Variants in CEP192 observed in about 807,000 individuals in gnomAD.
CEP192 encodes centrosomal protein of 192 kDa.
In CEP192, 151 loss-of-function variants were observed where a neutral mutation model predicts 271.8. The ratio of observed to expected loss-of-function variants is 0.56; its 90% CI spans 0.49 to 0.64. The LOEUF is 0.64. Ranked by LOEUF, CEP192 falls within the 30% of genes least tolerant of loss-of-function variation. CEP192 has a pLI of 0.00. For synonymous variants in CEP192, 995 were observed against 1,076.5 expected, an observed-to-expected ratio of 0.92 and a Z score of 1.48; for missense variants, 2,910 against 3,020.5, an observed-to-expected ratio of 0.96 and a Z score of 0.86.
intron 15 of CEP192, 98 bp downstream of exon 15, chr18:13,042,432 A>C: frequency 8.0e-7 from 1 of 1,250,516 alleles, no homozygotes; most frequent in South Asian, 1.4e-5. Context: ...ATGCCGTTTA[A>C]CATCTTTTCT....
At chr18:13,015,805 G>A (rs1382658702) in intron 6 of CEP192, among the ~76,000 whole-genome samples, 1 of 151,638 alleles carries the variant, frequency 6.6e-6, no homozygotes, top group Admixed American at 6.6e-5. Flanking sequence ...GAGTGCAGTG[G>A]TGTGATCTCG....
At position 13,121,432 on chromosome 18, in the gene CEP192, C is replaced by CA. The variant is rs148402818; in HGVS notation, c.7476-3199dup. Among the ~76,000 whole-genome samples, 38 of 152,310 alleles carry CA rather than the reference C, an allele frequency of 2.5e-4. No individual in the cohort carries two copies. The East Asian group carries it at 4.4e-3, about 18-fold the overall frequency. On this transcript the variant is annotated intron_variant, in intron 44 of 44. Transcript: ENST00000506447. ...AGCACAGGAAAGTGGCTGCTCCTTA[C>CA]AGGCTGTAAGCTGATTCTAGCTTAA...
In CEP192 at chr18:13,106,378, CCACCACCAT is replaced by C. The variant is rs1302145418; in HGVS notation, c.7047+1308_7047+1316del. The stretch of plus-strand genomic sequence containing the variant: ...GTGACAGCCACACCCCACACAGCTA[CCACCACCAT>C]CACCACCACTACTACCACTCACCAC... On this transcript the variant is annotated intron_variant, in intron 40 of 44. Transcript: ENST00000506447. Among the ~76,000 whole-genome samples, 57 of 151,728 alleles carry C rather than the reference CCACCACCAT, an allele frequency of 3.8e-4. 1 individual carries two copies. The South Asian group carries it at 0.011, about 30-fold the overall frequency.
chr18:13,005,010 G>A (rs7240787), intron 3 of CEP192, among the ~76,000 whole-genome samples: 1 of 152,136 alleles, frequency 6.6e-6, no homozygotes, highest in Non-Finnish European at 1.5e-5. Flanking sequence ...GGTGGGGTTA[G>A]CATCATATAG....
intron 1 of CEP192, among the ~76,000 whole-genome samples, chr18:12,992,653 T>A (rs1008393036): frequency 4.6e-5 from 7 of 152,236 alleles, no homozygotes; most frequent in African/African-American, 1.7e-4. Flanking sequence ...TGTCCATGAA[T>A]GGTTTACAAG....
At chr18:13,118,440 C>T (rs1252274333) in intron 44 of CEP192, among the ~76,000 whole-genome samples, 1 of 152,180 alleles carries the variant, frequency 6.6e-6, no homozygotes, top group African/African-American at 2.4e-5. Context: ...GCCCTGGATA[C>T]TGGAAAGATG....
Position 13,104,984 on chromosome 18 carries a change from G to T in CEP192, c.6952G>T (p.Gly2318Ter), listed in dbSNP as rs778931987. Residue 2318 changes from glycine (G) to a stop codon, truncating the protein, a stop_gained and splice_region_variant, in exon 40 of 45, where the codon GGA becomes TGA. Transcript: ENST00000506447. LOFTEE classifies it high-confidence loss of function. Reference sequence around the variant, plus strand: ...ATTTGTTTAAATGATTGCTTTGCAGGGAGTTGATGAAAGTGGAGATGTTTT... The same window carrying T: ...ATTTGTTTAAATGATTGCTTTGCAGTGAGTTGATGAAAGTGGAGATGTTTT... Reference protein sequence around the residue: ...LSSLAPPYVKGVDESGDVFRA... With the variant: ...LSSLAPPYVK The T allele has an allele frequency of 6.2e-7, 1 of 1,607,190 alleles. No individual in the cohort carries two copies. The highest frequency in any genetic ancestry group is 8.5e-7 in the Non-Finnish European group (1 of 1,173,690).
At chr18:13,099,700 A>C in intron 37 of CEP192, 119 bp downstream of exon 37, 1 of 573,986 alleles carries the variant, frequency 1.7e-6, no homozygotes, top group Non-Finnish European at 3.1e-6. Context: ...TTGACCCTTC[A>C]TATTTGTGGG....
chr18:13,063,809 G>T (rs990841194), intron 21 of CEP192, among the ~76,000 whole-genome samples: 6 of 150,140 alleles, frequency 4.0e-5, no homozygotes, highest in Non-Finnish European at 7.4e-5. Flanking sequence ...ATGTCCTGGA[G>T]ATTTTCCCCA....
At chr18:13,036,415 T>C (rs2143700518) in intron 11 of CEP192, among the ~76,000 whole-genome samples, 1 of 152,288 alleles carries the variant, frequency 6.6e-6, no homozygotes, top group South Asian at 2.1e-4. Flanking sequence ...GGGCCATGAG[T>C]GGACTGTTCC....
chr18:13,078,627 TTTG>T (rs376534007), intron 30 of CEP192, among the ~76,000 whole-genome samples: 9 of 152,074 alleles, frequency 5.9e-5, no homozygotes, highest in East Asian at 1.9e-4. Context: ...TCGCCATTCT[TTTG>T]TTGTTGTTGT....
intron 10 of CEP192, 61 bp from the exon 11 acceptor site, chr18:13,030,404 A>G: frequency 7.2e-7 from 1 of 1,390,384 alleles, no homozygotes; most frequent in Non-Finnish European, 9.6e-7. Context: ...AAAATTGAGA[A>G]TGTTTTGTCA....
intron 9 of CEP192, among the ~76,000 whole-genome samples, chr18:13,023,167 TTCTTG>T (rs1160561409): frequency 6.6e-6 from 1 of 152,194 alleles, no homozygotes; most frequent in East Asian, 1.9e-4. Flanking sequence ...TTATTTCCTT[TTCTTG>T]TCTTATTGCA....
Position 13,018,553 on chromosome 18 carries a change from A to G in CEP192, c.863A>G (p.His288Arg). The change falls in exon 8 of 45, where the codon CAC (histidine) becomes CGC (arginine). Residue 288 changes from histidine to arginine, a missense_variant. Physicochemically the swap from His to Arg is conservative, Grantham distance 29. Transcript: ENST00000506447. Reference sequence around the variant, plus strand: ...AGCTCTCTGATTTCCCTCGACTCACACTCTTCTGAAACAACTCACAAAGAG... The same window carrying G: ...AGCTCTCTGATTTCCCTCGACTCACGCTCTTCTGAAACAACTCACAAAGAG... ...NNSSLISLDSHSSETTHKESE... is the reference protein window; with the variant it reads ...NNSSLISLDSRSSETTHKESE... The G allele has an allele frequency of 6.5e-7, 1 of 1,541,584 alleles. No individual in the cohort carries two copies. The highest frequency in any genetic ancestry group is 1.4e-5 in the African/African-American group (1 of 72,802).
intron 33 of CEP192, among the ~76,000 whole-genome samples, 174 bp downstream of exon 33, chr18:13,089,739 T>C (rs922079789): frequency 9.9e-5 from 15 of 152,230 alleles, no homozygotes; most frequent in Non-Finnish European, 1.8e-4. Context: ...GAATGTCAGT[T>C]TCCTTATCTT....
chr18:13,009,638 G>A (rs186253181), intron 4 of CEP192, among the ~76,000 whole-genome samples: 1 of 152,150 alleles, frequency 6.6e-6, no homozygotes, highest in East Asian at 1.9e-4. Context: ...TTCAAGACTA[G>A]CCTGGCCAAC....
Position 13,095,568 on chromosome 18 carries a change from C to T in CEP192, c.6320C>T (p.Pro2107Leu). The T allele has an allele frequency of 8.1e-6, 13 of 1,614,148 alleles. No individual in the cohort carries two copies. Among genetic ancestry groups the T allele is most frequent in the Non-Finnish European group, 1.1e-5 (13 of 1,179,988 alleles). The change falls in exon 35 of 45, where the codon CCT (proline) becomes CTT (leucine). Residue 2107 changes from proline to leucine, a missense_variant. Physicochemically the swap from Pro to Leu is moderately conservative, Grantham distance 98. Coordinates refer to ENST00000506447, the MANE Select transcript of CEP192 (RefSeq NM_032142.4). ...TTGGATGTTTTACCAGTCAAAGGTCCTCAGGGTTCTCCTCTTCTCTCACGG... is the reference window on the plus strand; with the variant it reads ...TTGGATGTTTTACCAGTCAAAGGTCTTCAGGGTTCTCCTCTTCTCTCACGG... Reference protein sequence around the residue: ...VSLDVLPVKGPQGSPLLSRAA... With the variant: ...VSLDVLPVKGLQGSPLLSRAA...
chr18:13,053,067 G>T lies in CEP192; in HGVS notation c.3166G>T (p.Asp1056Tyr), dbSNP rs151242117. ...PESSYPTTAT[D>Y]DALEDRKSDI... ...GAGCTCCTATCCTACCACAGCCACA[G>T]ATGATGCCCTGGAGGACCGCAAGGT... The change falls in exon 18 of 45, where the codon GAT becomes TAT. Residue 1056 changes from aspartate to tyrosine, a missense_variant. Coordinates refer to ENST00000506447, the MANE Select transcript of CEP192 (RefSeq NM_032142.4). 253 of 1,611,400 alleles carry T rather than the reference G, an allele frequency of 1.6e-4. No individual in the cohort carries two copies. In the African/African-American group the frequency reaches 3.0e-3, roughly 19 times the overall value.
intron 28 of CEP192, 111 bp from the exon 29 acceptor site, chr18:13,072,644 T>C (rs2038070563): frequency 2.8e-6 from 2 of 724,436 alleles, no homozygotes; most frequent in Non-Finnish European, 4.9e-6. Flanking sequence ...AAATGGCTTG[T>C]ATAGTTAGTC....
Sources: gnomAD v4.1 joint callset for allele counts (sites outside exome capture counted in the v4.1 genomes callset) on GRCh38, gnomAD v4.1.1 for gene constraint, MANE v1.5 for transcripts, NCBI Gene and HGNC (gene_info 2026-07-23, HGNC 2026-07-21) for gene names.